Variants in SLC16A7 observed in about 807,000 individuals in gnomAD.
SLC16A7 encodes monocarboxylate transporter 2.
SLC16A7 carries 33 observed loss-of-function variants against 34.9 expected under a neutral mutation model. That is an observed-to-expected ratio of 0.94 (90% CI 0.72 to 1.26). The LOEUF (loss-of-function observed/expected upper bound fraction) is 1.26. Ranked by LOEUF, SLC16A7 falls within the 50% of genes most tolerant of loss-of-function variation. The pLI, the probability that SLC16A7 is intolerant of heterozygous loss-of-function variation, is 0.00. For missense variants in SLC16A7, 573 were observed against 578.1 expected (o/e 0.99, Z 0.09); for synonymous variants, 201 against 206.6 (o/e 0.97, Z 0.23).
intron 3 of SLC16A7, among the ~76,000 whole-genome samples, chr12:59,766,455 T>A (rs1266007559): frequency 6.6e-6 from 1 of 152,306 alleles, no homozygotes; most frequent in South Asian, 2.1e-4. Flanking sequence ...CAGTATGATA[T>A]TGGCTGTGGG....
intron 2 of SLC16A7, among the ~76,000 whole-genome samples, chr12:59,668,813 T>G (rs1869429543): frequency 6.6e-6 from 1 of 152,206 alleles, no homozygotes. Flanking sequence ...CCATAATATG[T>G]GTTGTGGGAG....
intron 3 of SLC16A7, among the ~76,000 whole-genome samples, chr12:59,736,898 A>T (rs1022900729): frequency 6.6e-6 from 1 of 152,084 alleles, no homozygotes; most frequent in East Asian, 1.9e-4. Context: ...CTTTTCCAAG[A>T]TATTTCCTGT....
Position 59,775,163 on chromosome 12 carries a change from G to A in SLC16A7, c.868G>A (p.Ala290Thr). 1 of 1,614,048 alleles carries A rather than the reference G, an allele frequency of 6.2e-7. No homozygotes were observed. The highest frequency in any genetic ancestry group is 8.5e-7 in the Non-Finnish European group (1 of 1,180,008). Reference sequence around the variant, plus strand: ...GGCAGCTTTTCTGCTATCTGTTATGGCTTTCGTTGATATGTTTGCTAGGCC... The same window carrying A: ...GGCAGCTTTTCTGCTATCTGTTATGACTTTCGTTGATATGTTTGCTAGGCC... The part of the protein sequence containing the change: ...YSAAFLLSVM[A>T]FVDMFARPSV... The change falls in exon 5 of 6, where the codon GCT (alanine) becomes ACT (threonine). Residue 290 changes from alanine (A) to threonine (T), a missense_variant. Physicochemically the swap from Ala to Thr is moderately conservative, Grantham distance 58. Coordinates refer to ENST00000547379, the MANE Select transcript of SLC16A7 (RefSeq NM_001270623.2).
At chr12:59,646,776 A>C (rs537716036) in intron 1 of SLC16A7, among the ~76,000 whole-genome samples, 226 of 152,284 alleles carry the variant, frequency 1.5e-3, no homozygotes, top group African/African-American at 5.3e-3. Context: ...GTACCATGCA[A>C]AGTCACAGGG....
intron 2 of SLC16A7, among the ~76,000 whole-genome samples, chr12:59,666,359 A>G (rs1869206377): frequency 2.0e-5 from 3 of 152,188 alleles, no homozygotes; most frequent in Admixed American, 2.0e-4. Context: ...AAATTTATAT[A>G]TCAGTTCAGT....
At chr12:59,619,346 T>TA (rs1341215431) in intron 1 of SLC16A7, among the ~76,000 whole-genome samples, 2 of 152,084 alleles carry the variant, frequency 1.3e-5, no homozygotes, top group African/African-American at 4.8e-5. Context: ...GAATTAATCT[T>TA]ACTGAATCCA....
At chr12:59,630,353 G>A (rs1181130674) in intron 1 of SLC16A7, among the ~76,000 whole-genome samples, 5 of 151,850 alleles carry the variant, frequency 3.3e-5, no homozygotes, top group African/African-American at 4.8e-5. Context: ...AATGGTAGTA[G>A]TTAGACACAG....
At chr12:59,771,897 G>A (rs1882271283) in intron 4 of SLC16A7, among the ~76,000 whole-genome samples, 1 of 152,086 alleles carries the variant, frequency 6.6e-6, no homozygotes, top group Admixed American at 6.6e-5. Flanking sequence ...TTACTGAAAT[G>A]ATCCTGTTTA....
intron 3 of SLC16A7, among the ~76,000 whole-genome samples, chr12:59,757,134 T>A (rs61170179): frequency 0.036 from 5,203 of 145,952 alleles, 310 homozygotes; most frequent in African/African-American, 0.13. Context: ...GAGGGATAGC[T>A]TTAGGAGATA....
intron 3 of SLC16A7, among the ~76,000 whole-genome samples, chr12:59,749,498 T>C (rs768855438): frequency 2.0e-5 from 3 of 152,106 alleles, no homozygotes; most frequent in Non-Finnish European, 4.4e-5. Flanking sequence ...ATACACAAAA[T>C]ATCTCATTCA....
Position 59,774,931 on chromosome 12 carries a change from C to A in SLC16A7, c.636C>A (p.Gly212=), listed in dbSNP as rs1360078486. 4.3e-6 allele frequency: 7 copies of A among 1,613,644 alleles called. No individual in the cohort carries two copies. In the African/African-American group the frequency reaches 9.4e-5, roughly 22 times the overall value. ...QTTSKSKNKT[G]KTEDDSSPKK... is the part of the protein sequence containing the mutation. ...CTTCTAAGTCTAAAAATAAGACTGGCAAAACAGAAGATGATTCAAGCCCAA... is the reference window on the plus strand; with the variant it reads ...CTTCTAAGTCTAAAAATAAGACTGGAAAAACAGAAGATGATTCAAGCCCAA... The change falls in exon 5 of 6, where the codon GGC becomes GGA. Residue 212 remains glycine, a synonymous_variant. Coordinates refer to ENST00000547379, the MANE Select transcript of SLC16A7 (RefSeq NM_001270623.2).
chr12:59,761,290 T>C (rs1880987742), intron 3 of SLC16A7: 1 of 500,512 alleles, frequency 2.0e-6, no homozygotes, highest in East Asian at 7.6e-5. Context: ...TATATTCTCT[T>C]AAAGTCTGAT....
At chr12:59,662,461 T>TA (rs1484786593) in intron 2 of SLC16A7, among the ~76,000 whole-genome samples, 2 of 152,038 alleles carry the variant, frequency 1.3e-5, no homozygotes, top group East Asian at 3.9e-4. Context: ...ACCAGAAATT[T>TA]AAAAAAAATC....
chr12:59,699,357 C>G (rs1207542354), intron 2 of SLC16A7, among the ~76,000 whole-genome samples: 1 of 151,480 alleles, frequency 6.6e-6, no homozygotes, highest in Non-Finnish European at 1.5e-5. Flanking sequence ...AAAAGATACT[C>G]AAAATTATTA....
chr12:59,707,478 A>G (rs1225046879), intron 3 of SLC16A7, among the ~76,000 whole-genome samples: 1 of 152,062 alleles, frequency 6.6e-6, no homozygotes, highest in Non-Finnish European at 1.5e-5. Context: ...TATATTTACT[A>G]CAAATAAATG....
rs536830713 is a variant in SLC16A7 at position 59,754,899 on chromosome 12, T to C, written c.218-16320T>C. On this transcript the variant is annotated intron_variant, in intron 3 of 5. Coordinates refer to ENST00000547379, the MANE Select transcript of SLC16A7 (RefSeq NM_001270623.2). ...ACGAATCCACCAGCACATCAAAAAG[T>C]TTATCCACCATGATCAAGTGGGCTT... Among the ~76,000 whole-genome samples the C allele has an allele frequency of 1.4e-3, 215 of 152,156 alleles. 1 individual carries two copies. Among genetic ancestry groups the C allele is most frequent in the Middle Eastern group, 6.8e-3 (2 of 294 alleles).
Position 59,596,388 on chromosome 12 carries a change from C to T in SLC16A7, c.-130+152C>T, listed in dbSNP as rs1316958377. Among the ~76,000 whole-genome samples the T allele has an allele frequency of 1.3e-5, 2 of 152,114 alleles. No homozygotes were observed. Among genetic ancestry groups the T allele is most frequent in the East Asian group, 3.9e-4 (2 of 5,178 alleles). ...CCAGCCTGTGACAAACGTGCCAACG[C>T]AGAGTTGGCCAGCGAGCCCTTATAT... On this transcript the variant is annotated intron_variant, in intron 1 of 5. Coordinates refer to ENST00000547379, the MANE Select transcript of SLC16A7 (RefSeq NM_001270623.2). This position sits in a 1 kb window ranked among gnomAD's most constrained non-coding sequence, Gnocchi z 5.0.
At chr12:59,643,058 A>C (rs1880754437) in intron 1 of SLC16A7, among the ~76,000 whole-genome samples, 2 of 152,112 alleles carry the variant, frequency 1.3e-5, no homozygotes, top group Admixed American at 1.3e-4. Context: ...TAATTCACTT[A>C]GATTCTGTAT....
At chr12:59,744,268 A>G (rs2706291) in intron 3 of SLC16A7, among the ~76,000 whole-genome samples, 18,583 of 151,758 alleles carry the variant, frequency 0.12, 1,472 homozygotes, top group African/African-American at 0.22. Flanking sequence ...CCCCCATCCC[A>G]TACCCATAAA....
Sources: allele counts gnomAD v4.1 joint callset (sites outside exome capture counted in the v4.1 genomes callset), GRCh38; gene constraint gnomAD v4.1.1; non-coding constraint Gnocchi (gnomAD v3.1); transcripts MANE v1.5; gene names NCBI Gene and HGNC (gene_info 2026-07-23, HGNC 2026-07-21).